The following MYO18A variants were observed in gnomAD, a reference collection of about 807,000 sequenced individuals.
The protein encoded by MYO18A is unconventional myosin-XVIIIa.
Under a neutral mutation model 235.8 loss-of-function variants are expected in MYO18A, and 78 were observed. The ratio of observed to expected loss-of-function variants is 0.33; its 90% CI spans 0.28 to 0.40. The LOEUF (loss-of-function observed/expected upper bound fraction) is 0.40, where lower values mean the gene tolerates loss of function less well. Among genes scored for constraint, MYO18A ranks in the 10% least tolerant of loss-of-function variants. The pLI, the probability that MYO18A is intolerant of heterozygous loss-of-function variation, is 1.00. For synonymous variants in MYO18A, 977 were observed against 1,077.8 expected, an observed-to-expected ratio of 0.91 and a Z score of 1.83; for missense variants, 2,215 against 2,699.3, an observed-to-expected ratio of 0.82 and a Z score of 3.98.
At position 29,140,516 on chromosome 17, in the gene MYO18A, TCGGG is replaced by T; in HGVS notation, c.1000-18267_1000-18264del. 1 of 869,780 alleles carries T rather than the reference TCGGG, an allele frequency of 1.1e-6. No homozygotes were observed. The highest frequency in any genetic ancestry group is 8.1e-5 in the East Asian group (1 of 12,338). The allele number at this position is 869,780 out of a possible 1,614,324, so 53.9% of individuals were successfully genotyped here. A position where few individuals can be genotyped will look rare whatever the true frequency, so the allele number is the denominator to read the frequency against. ...GTTGGAGCCAGCAGCCCGGAGGACTTCGGGTATCAGGTATGCCAGGAGGGAGAGG... is the reference window on the plus strand; with the variant it reads ...GTTGGAGCCAGCAGCCCGGAGGACTTTATCAGGTATGCCAGGAGGGAGAGG... On this transcript the variant is annotated intron_variant, in intron 2 of 41. Coordinates refer to ENST00000527372, the MANE Select transcript of MYO18A (RefSeq NM_078471.4). The surrounding 1 kb of genome is among the most constrained non-coding windows in gnomAD (Gnocchi z 4.2).
intron 2 of MYO18A, among the ~76,000 whole-genome samples, chr17:29,152,541 G>C (rs896413709): frequency 3.3e-5 from 5 of 152,062 alleles, no homozygotes; most frequent in African/African-American, 1.2e-4. Context: ...TACCTGAAAG[G>C]CACTTTGGGC....
At chr17:29,095,785 C>A (rs886711558) in intron 28 of MYO18A, among the ~76,000 whole-genome samples, 2 of 152,256 alleles carry the variant, frequency 1.3e-5, no homozygotes, top group Admixed American at 6.5e-5. Context: ...CCCAACTCCA[C>A]ATCAAAAAAA....
At chr17:29,113,783 G>A (rs562421126) in intron 15 of MYO18A, among the ~76,000 whole-genome samples, 1 of 152,294 alleles carries the variant, frequency 6.6e-6, no homozygotes, top group African/African-American at 2.4e-5. Context: ...TGGCTCCCCA[G>A]GGCACCAGGG....
intron 30 of MYO18A, 183 bp from the exon 31 acceptor site, chr17:29,094,273 G>T: frequency 1.6e-6 from 1 of 608,448 alleles, no homozygotes; most frequent in Non-Finnish European, 2.9e-6. Context: ...CTAGAGGTCT[G>T]GCATAGGCCC....
At position 29,097,288 on chromosome 17, in the gene MYO18A, G is replaced by A; in HGVS notation, c.4165C>T (p.Leu1389Phe). The stretch of plus-strand genomic sequence containing the variant: ...AGCTTGTCCTCAAACTCCTGCTGGA[G>A]CCGTTTCTTGGTGAAGTCCACCTCC... ...VREVDFTKKR[L>F]QQEFEDKLEV... is the part of the protein sequence containing the mutation. The change falls in exon 27 of 42, where the codon CTC becomes TTC. Residue 1389 changes from leucine (L) to phenylalanine (F), a missense_variant. Physicochemically the swap from Leu to Phe is conservative, Grantham distance 22 (BLOSUM62 0). Coordinates refer to ENST00000527372, the MANE Select transcript of MYO18A (RefSeq NM_078471.4). 6.2e-7 allele frequency: 1 copy of A among 1,611,228 alleles called. No homozygotes were observed. The highest frequency in any genetic ancestry group is 8.5e-7 in the Non-Finnish European group (1 of 1,179,862).
At chr17:29,086,859 A>G in intron 38 of MYO18A, 77 bp downstream of exon 38, 5 of 1,466,464 alleles carry the variant, frequency 3.4e-6, no homozygotes, top group Non-Finnish European at 4.6e-6. Context: ...ATCCTCAACC[A>G]GGCCAGAGTG....
At chr17:29,091,369 A>G (rs888211700) in intron 34 of MYO18A, 15 of 335,988 alleles carry the variant, frequency 4.5e-5, no homozygotes, top group African/African-American at 2.6e-4. Context: ...CTCCCTGGGC[A>G]TCCAGCCCCG....
intron 2 of MYO18A, among the ~76,000 whole-genome samples, chr17:29,143,517 C>T (rs548698530): frequency 6.6e-6 from 1 of 150,610 alleles, no homozygotes; most frequent in Non-Finnish European, 1.5e-5. Context: ...GCTGGGATTA[C>T]AGGCATGAGC....
At chr17:29,130,281 C>T (rs1598353295) in intron 2 of MYO18A, among the ~76,000 whole-genome samples, 1 of 84,258 alleles carries the variant, frequency 1.2e-5, no homozygotes, top group East Asian at 4.3e-4. Context: ...GCCTGGGTGA[C>T]AGAGTAAAAC....
At chr17:29,080,953 AC>A (rs778705871) in intron 41 of MYO18A, 8 of 985,312 alleles carry the variant, frequency 8.1e-6, no homozygotes, top group African/African-American at 1.7e-5. Context: ...CAGGGAGCTC[AC>A]CACCGAGGAC....
intron 30 of MYO18A, chr17:29,094,435 T>C (rs1426323816): frequency 1.3e-5 from 8 of 619,098 alleles, no homozygotes; most frequent in Non-Finnish European, 2.3e-5. Context: ...CTACTAGAGC[T>C]CCATCAGATT....
At position 29,111,972 on chromosome 17, in the gene MYO18A, T is replaced by G. The variant is rs1409747871; in HGVS notation, c.2599-109A>C. 2 of 1,355,762 alleles carry G rather than the reference T, an allele frequency of 1.5e-6. No homozygotes were observed. Among genetic ancestry groups the G allele is most frequent in the Admixed American group, 2.3e-5 (1 of 43,614 alleles). The allele number at this position is 1,355,762 out of a possible 1,614,324, so 84.0% of individuals were successfully genotyped here. On this transcript the variant is annotated intron_variant, in intron 15 of 41. Coordinates refer to ENST00000527372, the MANE Select transcript of MYO18A (RefSeq NM_078471.4). This position sits in a 1 kb window ranked among gnomAD's most constrained non-coding sequence, Gnocchi z 5.1. Reference sequence around the variant, plus strand: ...ACAGAATGCTACACATGTGCACACATGCACACACGCACATGCCGCAGCTCC... The same window carrying G: ...ACAGAATGCTACACATGTGCACACAGGCACACACGCACATGCCGCAGCTCC...
rs1468128534 is a variant in MYO18A at position 29,086,511 on chromosome 17, T to C, written c.5779A>G (p.Lys1927Glu). The C allele has an allele frequency of 1.9e-6, 3 of 1,612,588 alleles. No homozygotes were observed. The highest frequency in any genetic ancestry group is 2.7e-5 in the African/African-American group (2 of 74,902). The change falls in exon 39 of 42, where the codon AAG becomes GAG. Residue 1927 changes from lysine (K) to glutamate (E), a missense_variant. Coordinates refer to ENST00000527372, the MANE Select transcript of MYO18A (RefSeq NM_078471.4). Reference protein sequence around the residue: ...SLQADLKLAFKRIGDLQAAIE... With the variant: ...SLQADLKLAFERIGDLQAAIE... The stretch of plus-strand genomic sequence containing the variant: ...GCAGCCTGCAGGTCCCCGATGCGCT[T>C]GAATGCCAACTTTAGGTCAGCCTGC...
At chr17:29,119,548 G>T in intron 7 of MYO18A, 113 bp from the exon 8 acceptor site, 2 of 613,626 alleles carry the variant, frequency 3.3e-6, no homozygotes, top group Non-Finnish European at 5.3e-6. Flanking sequence ...GGAACAAGCA[G>T]CTGCATTTTT....
intron 40 of MYO18A, among the ~76,000 whole-genome samples, chr17:29,084,880 T>G (rs969065187): frequency 6.6e-6 from 1 of 152,162 alleles, no homozygotes; most frequent in Non-Finnish European, 1.5e-5. Flanking sequence ...CCTGCGCATC[T>G]GCATCCGCTG....
chr17:29,096,930 G>T lies in MYO18A; in HGVS notation c.4231-15C>A. 1 of 1,549,560 alleles carries T rather than the reference G, an allele frequency of 6.5e-7. No homozygotes were observed. Among genetic ancestry groups the T allele is most frequent in the South Asian group, 1.2e-5 (1 of 82,742 alleles). On this transcript the variant is annotated splice_polypyrimidine_tract_variant and intron_variant, in intron 27 of 41. Transcript: ENST00000527372. ...AGGTCCCCGAGCTAGGGGCCAAGAT[G>T]GGGTGCATATACAGAGAGACCCAGA...
chr17:29,090,188 A>C lies in MYO18A; in HGVS notation c.5389-90T>G, dbSNP rs531822927. On this transcript the variant is annotated intron_variant, in intron 36 of 41. Transcript: ENST00000527372. ...GGCAGGCAATATCACCACAGTGACC[A>C]GAAGGCAAGGGGAGGGAGGGATGCA... is the stretch of plus-strand genomic sequence containing the variant. The C allele has an allele frequency of 3.6e-5, 52 of 1,440,266 alleles. No individual in the cohort carries two copies. In the African/African-American group the frequency reaches 6.7e-4, roughly 18 times the overall value. 89.2% of individuals were successfully genotyped at this position (1,440,266 alleles called of 1,614,324 possible).
chr17:29,113,185 A>G (rs1229224993), intron 15 of MYO18A, among the ~76,000 whole-genome samples: 2 of 152,140 alleles, frequency 1.3e-5, no homozygotes, highest in East Asian at 3.9e-4. Flanking sequence ...CACTTTAAAC[A>G]TCTGTCCCCG....
rs989675957 is a variant in MYO18A at position 29,080,021 on chromosome 17, C to CGGAGCT, written c.6020+2289_6020+2294dup. ...TTGTGCTCTGAGGAAGCTTCGGAGC[C>CGGAGCT]GGAGCTGGAGCTGGAGCTGGAGCTG... On this transcript the variant is annotated intron_variant, in intron 41 of 41. Transcript: ENST00000527372. 2.5e-4 allele frequency: 246 copies of CGGAGCT among 986,096 alleles called. 1 individual carries two copies. The highest frequency in any genetic ancestry group is 6.4e-4 in the African/African-American group (37 of 57,380). The allele number at this position is 986,096 out of a possible 1,614,324, so 61.1% of individuals were successfully genotyped here.
Sources: gnomAD v4.1 joint callset for allele counts (sites outside exome capture counted in the v4.1 genomes callset) on GRCh38, gnomAD v4.1.1 for gene constraint, Gnocchi (gnomAD v3.1) non-coding constraint, MANE v1.5 for transcripts, NCBI Gene and HGNC (gene_info 2026-07-23, HGNC 2026-07-21) for gene names.